Variants in CYP39A1 observed in about 807,000 individuals in gnomAD.
CYP39A1 encodes 24-hydroxycholesterol 7-alpha-hydroxylase.
A neutral mutation model predicts 58.1 loss-of-function variants in CYP39A1; 49 were observed. The observed-to-expected ratio is 0.84, with a 90% CI of 0.67 to 1.07. The LOEUF (loss-of-function observed/expected upper bound fraction) is 1.07, where lower values mean the gene tolerates loss of function less well. Among genes scored for constraint, CYP39A1 ranks in the 50% least tolerant of loss-of-function variants. CYP39A1 has a pLI of 0.00. For missense variants in CYP39A1, 531 were observed against 539.4 expected (o/e 0.98, Z 0.16); for synonymous variants, 209 against 187.6 (o/e 1.11, Z -0.93).
chr6:46,631,824 C>A (rs912867651), intron 5 of CYP39A1, among the ~76,000 whole-genome samples: 56 of 152,330 alleles, frequency 3.7e-4, no homozygotes, highest in African/African-American at 1.3e-3. Context: ...AGTCACCAAA[C>A]AAATCCCACT....
intron 1 of CYP39A1, among the ~76,000 whole-genome samples, chr6:46,644,816 A>G (rs1033320448): frequency 1.3e-5 from 2 of 152,124 alleles, no homozygotes; most frequent in African/African-American, 4.8e-5. Flanking sequence ...GTGTTGTTGC[A>G]ATTTTTATCT....
intron 10 of CYP39A1, among the ~76,000 whole-genome samples, chr6:46,582,177 G>A (rs1365771040): frequency 6.6e-6 from 1 of 152,104 alleles, no homozygotes; most frequent in South Asian, 2.1e-4. Context: ...GAGTTGAGGG[G>A]ATGCATTTGT....
intron 7 of CYP39A1, among the ~76,000 whole-genome samples, chr6:46,599,631 C>G (rs1279266251): frequency 6.6e-6 from 1 of 152,130 alleles, no homozygotes; most frequent in East Asian, 1.9e-4. Context: ...CCCAAGACTG[C>G]CAGGTGTCAG....
At chr6:46,573,586 G>A (rs769733642) in intron 10 of CYP39A1, among the ~76,000 whole-genome samples, 1 of 152,112 alleles carries the variant, frequency 6.6e-6, no homozygotes, top group African/African-American at 2.4e-5. Flanking sequence ...CTGTCACAAG[G>A]GCATGCTGGT....
At chr6:46,647,240 T>G (rs1443093344) in intron 1 of CYP39A1, among the ~76,000 whole-genome samples, 2 of 152,192 alleles carry the variant, frequency 1.3e-5, no homozygotes, top group African/African-American at 4.8e-5. Flanking sequence ...GAGACTGGGT[T>G]AAAATACAAA....
intron 7 of CYP39A1, among the ~76,000 whole-genome samples, chr6:46,597,467 AAAAG>A (rs1773237222): frequency 6.6e-6 from 1 of 152,150 alleles, no homozygotes; most frequent in African/African-American, 2.4e-5. Context: ...AACTAGATGA[AAAAG>A]AAAATATTTT....
At chr6:46,613,755 G>A (rs1774358817) in intron 7 of CYP39A1, among the ~76,000 whole-genome samples, 2 of 150,096 alleles carry the variant, frequency 1.3e-5, no homozygotes, top group South Asian at 4.2e-4. Context: ...GATTCTCACA[G>A]TGGGAGCCCT....
chr6:46,588,094 C>A lies in CYP39A1; in HGVS notation c.1101G>T (p.Leu367Phe). The A allele has an allele frequency of 6.3e-7, 1 of 1,599,258 alleles. No individual in the cohort carries two copies. The highest frequency in any genetic ancestry group is 8.5e-7 in the Non-Finnish European group (1 of 1,172,632). The change falls in exon 9 of 12, where the codon TTG (leucine) becomes TTT (phenylalanine). Residue 367 changes from leucine (L) to phenylalanine (F), a missense_variant. Leu to Phe is a conservative substitution (Grantham distance 22). Coordinates refer to ENST00000275016, the MANE Select transcript of CYP39A1 (RefSeq NM_016593.5). ...GATTTCTATGCAGCCAAAATGGAGA[C>A]AACATCAACAAGTCACCAGAAGGAA... ...YIIPSGDLLM[L>F]SPFWLHRNPK... is the part of the protein sequence containing the mutation.
intron 10 of CYP39A1, among the ~76,000 whole-genome samples, chr6:46,562,040 T>C (rs1342725763): frequency 6.6e-6 from 1 of 152,118 alleles, no homozygotes. Flanking sequence ...TTGTTTGTTT[T>C]TTGAGACAGT....
intron 5 of CYP39A1, among the ~76,000 whole-genome samples, chr6:46,633,662 G>A (rs1181762497): frequency 6.6e-6 from 1 of 152,138 alleles, no homozygotes; most frequent in Non-Finnish European, 1.5e-5. Flanking sequence ...TTTGATACCA[G>A]CCTGACCAAT....
At chr6:46,605,903 A>G (rs1304370589) in intron 7 of CYP39A1, among the ~76,000 whole-genome samples, 3 of 152,136 alleles carry the variant, frequency 2.0e-5, no homozygotes, top group Non-Finnish European at 2.9e-5. Context: ...CAATTCCTCT[A>G]CTTTTTTTCT....
At chr6:46,630,887 G>A in intron 6 of CYP39A1, 76 bp downstream of exon 6, 1 of 1,123,920 alleles carries the variant, frequency 8.9e-7, no homozygotes, top group South Asian at 1.4e-5. Flanking sequence ...AAAAAGAATG[G>A]AAGACAGAAA....
chr6:46,589,861 T>C (rs1772723573), intron 8 of CYP39A1, among the ~76,000 whole-genome samples: 1 of 152,082 alleles, frequency 6.6e-6, no homozygotes, highest in Non-Finnish European at 1.5e-5. Flanking sequence ...CGCAAAGTCC[T>C]CTTAAGTTGC....
In CYP39A1 at chr6:46,644,398, A is replaced by C. The variant is rs144464662; in HGVS notation, c.178-2100T>G. Among the ~76,000 whole-genome samples, 1,132 of 152,230 alleles carry C rather than the reference A, an allele frequency of 7.4e-3. 16 individuals carry two copies. Among genetic ancestry groups the C allele is most frequent in the African/African-American group, 0.026 (1,061 of 41,532 alleles). ...GAAGGCTGGGCTAGACATGCCTATA[A>C]TCCTACTGCTTTGGGGGTCTGAGGC... is the stretch of plus-strand genomic sequence containing the variant. On this transcript the variant is annotated intron_variant, in intron 1 of 11. Coordinates refer to ENST00000275016, the MANE Select transcript of CYP39A1 (RefSeq NM_016593.5).
chr6:46,586,379 C>T (rs776390621), intron 10 of CYP39A1: 10 of 984,002 alleles, frequency 1.0e-5, no homozygotes, highest in Non-Finnish European at 1.2e-5. Context: ...AGAAATGTGA[C>T]ATATTTAATG....
At chr6:46,622,277 CT>C (rs1775002331) in intron 7 of CYP39A1, among the ~76,000 whole-genome samples, 2 of 151,942 alleles carry the variant, frequency 1.3e-5, no homozygotes, top group African/African-American at 4.8e-5. Context: ...TATAAATATA[CT>C]AAAAACTACT....
chr6:46,574,569 G>C (rs1455230896), intron 10 of CYP39A1, among the ~76,000 whole-genome samples: 2 of 152,086 alleles, frequency 1.3e-5, no homozygotes, highest in Non-Finnish European at 2.9e-5. Flanking sequence ...AATTTCTTTT[G>C]AACATTAGAG....
chr6:46,633,819 T>C (rs3778486), intron 5 of CYP39A1, among the ~76,000 whole-genome samples: 17,936 of 151,628 alleles, frequency 0.12, 1,041 homozygotes, highest in Middle Eastern at 0.18. Flanking sequence ...ATCACACCAC[T>C]GCACTCCAGC....
chr6:46,559,195 A>G (rs953198526), intron 10 of CYP39A1, among the ~76,000 whole-genome samples: 3 of 152,126 alleles, frequency 2.0e-5, no homozygotes, highest in Admixed American at 6.5e-5. Context: ...ACAACCATGG[A>G]CAGTCCTGCT....
Sources: allele counts gnomAD v4.1 joint callset (sites outside exome capture counted in the v4.1 genomes callset), GRCh38; gene constraint gnomAD v4.1.1; transcripts MANE v1.5; gene names NCBI Gene and HGNC (gene_info 2026-07-23, HGNC 2026-07-21).